Variants in DNAJC11 observed in about 807,000 individuals in gnomAD.
DNAJC11 encodes the protein dnaJ homolog subfamily C member 11.
A neutral mutation model predicts 78.6 loss-of-function variants in DNAJC11; 15 were observed. The ratio of observed to expected loss-of-function variants is 0.19; its 90% CI spans 0.13 to 0.29. The LOEUF is 0.29. Ranked by LOEUF, DNAJC11 falls within the 10% of genes least tolerant of loss-of-function variation. The probability of loss-of-function intolerance (pLI) is 1.00; values close to 1 mark genes in which losing one functional copy is unlikely to be tolerated. For missense variants in DNAJC11, 547 were observed against 709.6 expected, an observed-to-expected ratio of 0.77 and a Z score of 2.60; for synonymous variants, 292 against 272.1, an observed-to-expected ratio of 1.07 and a Z score of -0.72.
chr1:6,697,566 T>C (rs379137), intron 1 of DNAJC11, among the ~76,000 whole-genome samples: 10 of 151,608 alleles, frequency 6.6e-5, no homozygotes, highest in East Asian at 3.9e-4. Context: ...GCTTGCCCGA[T>C]GCTAACCGCT....
intron 3 of DNAJC11, among the ~76,000 whole-genome samples, chr1:6,668,598 G>A (rs1642328297): frequency 6.6e-6 from 1 of 152,062 alleles, no homozygotes; most frequent in Non-Finnish European, 1.5e-5. Flanking sequence ...GGGTCTAGGT[G>A]TTTTTATTCT....
At position 6,678,487 on chromosome 1, in the gene DNAJC11, C is replaced by T. The variant is rs1409293785; in HGVS notation, c.203-20G>A. 9 of 1,603,880 alleles carry T rather than the reference C, an allele frequency of 5.6e-6. No individual in the cohort carries two copies. Among genetic ancestry groups the T allele is most frequent in the Admixed American group, 3.4e-5 (2 of 58,722 alleles). On this transcript the variant is annotated intron_variant, in intron 2 of 15. Transcript: ENST00000377577. Reference sequence around the variant, plus strand: ...TAAGCACTGCAAATTAAAAATTAAACATGTTTATAAAATACAAAATTCACC... The same window carrying T: ...TAAGCACTGCAAATTAAAAATTAAATATGTTTATAAAATACAAAATTCACC...
Position 6,667,821 on chromosome 1 carries a change from A to C in DNAJC11, c.277-11T>G, listed in dbSNP as rs201922764. 204 of 1,612,590 alleles carry C rather than the reference A, an allele frequency of 1.3e-4. No homozygotes were observed. In the African/African-American group the frequency reaches 2.3e-3, roughly 19 times the overall value. ...CCTCCTTTCCACAACCTATGCACAG[A>C]ATCAAGATGGGAAGACAGTTGAGGA... is the stretch of plus-strand genomic sequence containing the variant. On this transcript the variant is annotated splice_polypyrimidine_tract_variant and intron_variant, in intron 3 of 15. Coordinates refer to ENST00000377577, the MANE Select transcript of DNAJC11 (RefSeq NM_018198.4).
rs926837852 is a variant in DNAJC11 at position 6,635,469 on chromosome 1, C to T, written c.*206G>A. Reference sequence around the variant, plus strand: ...CCATGGGCCAGGCTGCAGTCTGGTTCCCAGTGGGGCTGCCTCAGTCCTACC... The same window carrying T: ...CCATGGGCCAGGCTGCAGTCTGGTTTCCAGTGGGGCTGCCTCAGTCCTACC... On this transcript the variant is annotated 3_prime_UTR_variant, in exon 16 of 16. Coordinates refer to ENST00000377577, the MANE Select transcript of DNAJC11 (RefSeq NM_018198.4). 1.8e-6 allele frequency: 1 copy of T among 563,824 alleles called. No individual in the cohort carries two copies. Among genetic ancestry groups the T allele is most frequent in the Non-Finnish European group, 3.1e-6 (1 of 319,004 alleles). The allele number at this position is 563,824 out of a possible 1,614,324, so 34.9% of individuals were successfully genotyped here.
rs1473626647 is a variant in DNAJC11, at chr1:6,678,537, C to T, written c.203-70G>A. 1.9e-5 allele frequency: 24 copies of T among 1,265,438 alleles called. No individual in the cohort carries two copies. The South Asian group carries it at 3.1e-4, about 16-fold the overall frequency. The allele number at this position is 1,265,438 out of a possible 1,614,324, so 78.4% of individuals were successfully genotyped here. On this transcript the variant is annotated intron_variant, in intron 2 of 15. Coordinates refer to ENST00000377577, the MANE Select transcript of DNAJC11 (RefSeq NM_018198.4). ...CTTCAGTCCTTCCTGAGAATACTGACATCATTAGGTAAGCCCATCTCCTGT... is the reference window on the plus strand; with the variant it reads ...CTTCAGTCCTTCCTGAGAATACTGATATCATTAGGTAAGCCCATCTCCTGT...
intron 14 of DNAJC11, 38 bp from the exon 15 acceptor site, chr1:6,636,284 G>A (rs371049527): frequency 1.9e-6 from 3 of 1,610,262 alleles, no homozygotes; most frequent in Non-Finnish European, 2.5e-6. Context: ...TACTCCAGAC[G>A]GTCTAAGACC....
At chr1:6,684,946 TCTC>T (rs1165556952) in intron 1 of DNAJC11, among the ~76,000 whole-genome samples, 1 of 152,120 alleles carries the variant, frequency 6.6e-6, no homozygotes, top group Non-Finnish European at 1.5e-5. Context: ...CAAAATATCT[TCTC>T]CTACCACAAG....
rs987543083 is a variant in DNAJC11, at chr1:6,680,050, T to C, written c.202+858A>G. Among the ~76,000 whole-genome samples the C allele has an allele frequency of 1.2e-4, 18 of 152,372 alleles. No individual in the cohort carries two copies. Among genetic ancestry groups the C allele is most frequent in the African/African-American group, 4.1e-4 (17 of 41,582 alleles). On this transcript the variant is annotated intron_variant, in intron 2 of 15. Transcript: ENST00000377577. The surrounding 1 kb of genome is among the most constrained non-coding windows in gnomAD (Gnocchi z 4.0). The stretch of plus-strand genomic sequence containing the variant: ...AAGTGAAAAACACTACAAGCTATTA[T>C]GTATACAGTGAGATGACTTTATGAT...
chr1:6,659,839 C>T (rs182994832), intron 4 of DNAJC11, among the ~76,000 whole-genome samples: 47 of 151,950 alleles, frequency 3.1e-4, no homozygotes, highest in African/African-American at 1.1e-3. Context: ...GGGCAGATCA[C>T]GAGGTCAGGA....
intron 4 of DNAJC11, among the ~76,000 whole-genome samples, chr1:6,667,425 T>C (rs1642309630): frequency 6.6e-6 from 1 of 152,122 alleles, no homozygotes; most frequent in African/African-American, 2.4e-5. Context: ...CCTGTATATC[T>C]GCTTGGCGAA....
At chr1:6,688,145 A>C (rs1437021530) in intron 1 of DNAJC11, among the ~76,000 whole-genome samples, 3 of 152,188 alleles carry the variant, frequency 2.0e-5, no homozygotes, top group Non-Finnish European at 2.9e-5. Context: ...TGAAAAGGAC[A>C]AGCCCAGCGA....
At chr1:6,644,921 CA>C (rs1641942706) in intron 9 of DNAJC11, 119 bp downstream of exon 9, 1 of 1,021,982 alleles carries the variant, frequency 9.8e-7, no homozygotes, top group Non-Finnish European at 1.5e-6. Flanking sequence ...GGAAGCTCTC[CA>C]AAAATGTCAC....
intron 4 of DNAJC11, among the ~76,000 whole-genome samples, chr1:6,655,323 C>G (rs1642110823): frequency 1.3e-5 from 2 of 152,106 alleles, no homozygotes; most frequent in Non-Finnish European, 2.9e-5. Context: ...TCAAGAAACC[C>G]ATGGACTAGA....
At position 6,639,361 on chromosome 1, in the gene DNAJC11, GCT is replaced by G. The variant is rs1363850595; in HGVS notation, c.1253+539_1253+540del. On this transcript the variant is annotated intron_variant, in intron 11 of 15. Transcript: ENST00000377577. ...TTTTTTTTTTTTGAGACCGAGTCTT[GCT>G]CTGTCACCCAGGCTGGAGTGCAATG... is the stretch of plus-strand genomic sequence containing the variant. Among the ~76,000 whole-genome samples, 5 of 136,992 alleles carry G rather than the reference GCT, an allele frequency of 3.6e-5. No homozygotes were observed. The Admixed American group carries it at 4.0e-4, about 11-fold the overall frequency. The allele number at this position is 136,992 out of a possible 152,430, so 89.9% of individuals were successfully genotyped here.
At chr1:6,647,119 T>A (rs569599975) in intron 7 of DNAJC11, among the ~76,000 whole-genome samples, 17 of 137,328 alleles carry the variant, frequency 1.2e-4, no homozygotes, top group Admixed American at 3.4e-4. Context: ...GTTTCGCTCG[T>A]CCAGGCTGGA....
intron 3 of DNAJC11, among the ~76,000 whole-genome samples, chr1:6,668,534 G>C (rs543001053): frequency 6.6e-6 from 1 of 152,318 alleles, no homozygotes; most frequent in South Asian, 2.1e-4. Context: ...AGTGGTCTGA[G>C]ACAATCGCTA....
chr1:6,682,613 T>G (rs1427775117), intron 1 of DNAJC11, among the ~76,000 whole-genome samples: 1 of 152,130 alleles, frequency 6.6e-6, no homozygotes, highest in Non-Finnish European at 1.5e-5. Context: ...TGGCTCTAAC[T>G]TTACTCGATT....
At chr1:6,698,513 T>C (rs1460458754) in intron 1 of DNAJC11, among the ~76,000 whole-genome samples, 1 of 152,092 alleles carries the variant, frequency 6.6e-6, no homozygotes, top group Non-Finnish European at 1.5e-5. Context: ...AACACCGAGT[T>C]TGCTGACGAA....
At chr1:6,637,173 CA>C (rs761964860) in intron 14 of DNAJC11, 24 bp downstream of exon 14, 12 of 1,613,622 alleles carry the variant, frequency 7.4e-6, no homozygotes, top group Non-Finnish European at 1.0e-5. Flanking sequence ...GAGCACATAG[CA>C]TGTGGTGGCT....
Sources: allele counts gnomAD v4.1 joint callset (sites outside exome capture counted in the v4.1 genomes callset), GRCh38; gene constraint gnomAD v4.1.1; non-coding constraint Gnocchi (gnomAD v3.1); transcripts MANE v1.5; gene names NCBI Gene and HGNC (gene_info 2026-07-23, HGNC 2026-07-21).